The following SYNM variants were observed in gnomAD, a reference collection of about 807,000 sequenced individuals.
SYNM encodes desmuslin.
Under a neutral mutation model 104.0 loss-of-function variants are expected in SYNM, and 95 were observed. The ratio of observed to expected loss-of-function variants is 0.91; its 90% confidence interval spans 0.77 to 1.08. The LOEUF is 1.08. Ranked by LOEUF, SYNM falls within the 50% of genes least tolerant of loss-of-function variation. The probability of loss-of-function intolerance (pLI) is 0.00; values close to 1 mark genes in which losing one functional copy is unlikely to be tolerated. For synonymous variants in SYNM, 918 were observed against 869.0 expected, an observed-to-expected ratio of 1.06 and a Z score of -0.99; for missense variants, 2,150 against 2,052.2, an observed-to-expected ratio of 1.05 and a Z score of -0.92.
At chr15:99,125,688 T>C (rs1345019270) in intron 2 of SYNM, among the ~76,000 whole-genome samples, 1 of 152,228 alleles carries the variant, frequency 6.6e-6, no homozygotes, top group African/African-American at 2.4e-5. Context: ...TGTGCCCAGC[T>C]CTCAGCCATA....
chr15:99,105,722 G>A lies in SYNM; in HGVS notation c.523G>A (p.Ala175Thr). The change falls in exon 1 of 4, where the codon GCG becomes ACG. Residue 175 changes from alanine (A) to threonine (T), a missense_variant. Ala to Thr is a moderately conservative substitution (Grantham distance 58). Transcript: ENST00000336292. Reference protein sequence around the residue: ...HFRARATGPAAPPPRLREVHD... With the variant: ...HFRARATGPATPPPRLREVHD... ...CCGCGCCCGCGCCACCGGCCCCGCC[G>A]CGCCGCCGCCACGCCTGCGGGAGGT... 6.7e-7 allele frequency: 1 copy of A among 1,499,440 alleles called. No individual in the cohort carries two copies. The highest frequency in any genetic ancestry group is 8.9e-7 in the Non-Finnish European group (1 of 1,128,444). The allele number at this position is 1,499,440 out of a possible 1,614,324, so 92.9% of individuals were successfully genotyped here.
rs1472223271 is a variant in SYNM, at chr15:99,132,511, G to A, written c.4151G>A (p.Ser1384Asn). The change falls in exon 4 of 4, where the codon AGT becomes AAT. Residue 1384 changes from serine to asparagine, a missense_variant. Ser to Asn is a conservative substitution (Grantham distance 46). Transcript: ENST00000336292. ...SVVSESPQED[S>N]AEDTSGAEMT... ...GTTTCTGAATCTCCCCAGGAGGATA[G>A]TGCAGAGGACACATCAGGGGCAGAA... is the stretch of plus-strand genomic sequence containing the variant. 1 of 1,613,938 alleles carries A rather than the reference G, an allele frequency of 6.2e-7. No homozygotes were observed. The highest frequency in any genetic ancestry group is 1.3e-5 in the African/African-American group (1 of 74,934).
intron 2 of SYNM, among the ~76,000 whole-genome samples, chr15:99,116,894 A>C (rs1703778): frequency 0.56 from 79,183 of 141,340 alleles, 26,975 homozygotes; most frequent in Middle Eastern, 0.68. Context: ...CCAGGCTGGT[A>C]TTGAACTCCT....
Position 99,130,312 on chromosome 15 carries a change from C to G in SYNM, c.1952C>G (p.Thr651Ser). The G allele has an allele frequency of 6.2e-7, 1 of 1,613,892 alleles. No individual in the cohort carries two copies. The highest frequency in any genetic ancestry group is 1.1e-5 in the South Asian group (1 of 91,050). Residue 651 changes from threonine (T) to serine (S), a missense_variant, in exon 4 of 4, where the codon ACT becomes AGT. Thr to Ser is a moderately conservative substitution (Grantham distance 58). Transcript: ENST00000336292. Reference sequence around the variant, plus strand: ...GTTACCAGTATCCTGAAGCAGTTCACTCAGTCTCCAGAGACAGAAGCATCT... The same window carrying G: ...GTTACCAGTATCCTGAAGCAGTTCAGTCAGTCTCCAGAGACAGAAGCATCT... ...NIVTSILKQF[T>S]QSPETEASAD... is the part of the protein sequence containing the mutation.
Position 99,130,144 on chromosome 15 carries a change from G to T in SYNM, c.1784G>T (p.Gly595Val), listed in dbSNP as rs369973561. ...AGAAGAGCAGAGGTGTCCCCGAAAG[G>T]TTTGCAGACGCCTGTGAAGGATGCT... ...QDRRAEVSPK[G>V]LQTPVKDAGG... The change falls in exon 4 of 4, where the codon GGT (glycine) becomes GTT (valine). Residue 595 changes from glycine (G) to valine (V), a missense_variant. By Grantham distance (109) the Gly-to-Val change is moderately radical. Coordinates refer to ENST00000336292, the MANE Select transcript of SYNM (RefSeq NM_145728.3). 21 of 1,613,828 alleles carry T rather than the reference G, an allele frequency of 1.3e-5. No homozygotes were observed. In the Middle Eastern group the frequency reaches 4.9e-4, roughly 38 times the overall value.
Position 99,130,887 on chromosome 15 carries a change from G to C in SYNM, c.2527G>C (p.Asp843His), listed in dbSNP as rs782563872. Residue 843 changes from aspartate (D) to histidine (H), a missense_variant, in exon 4 of 4, where the codon GAC (aspartate) becomes CAC (histidine). By Grantham distance (81) the Asp-to-His change is moderately conservative (BLOSUM62 -1). Transcript: ENST00000336292. The stretch of plus-strand genomic sequence containing the variant: ...TCCAGATGAACACCCCGGGGGGCAC[G>C]ACAGAGATGACGGCTCGGTGTACGG... ...STPDEHPGGHDRDDGSVYGQI... is the reference protein window; with the variant it reads ...STPDEHPGGHHRDDGSVYGQI... 1 of 1,613,928 alleles carries C rather than the reference G, an allele frequency of 6.2e-7. No individual in the cohort carries two copies. Among genetic ancestry groups the C allele is most frequent in the Non-Finnish European group, 8.5e-7 (1 of 1,179,874 alleles).
intron 1 of SYNM, among the ~76,000 whole-genome samples, chr15:99,106,806 C>T (rs1398942551): frequency 6.6e-6 from 1 of 152,230 alleles, no homozygotes; most frequent in Non-Finnish European, 1.5e-5. Flanking sequence ...CCTCGCCCTG[C>T]CCTGCCTCAG....
chr15:99,137,166 A>T (rs1333570088), downstream of SYNM: 1 of 152,378 alleles, frequency 6.6e-6, no homozygotes, highest in Admixed American at 6.5e-5. Context: ...GACATCGTGG[A>T]GGAAGGCACT....
Position 99,105,706 on chromosome 15 carries a change from C to T in SYNM, c.507C>T (p.Arg169=), listed in dbSNP as rs2067229803. ...AASLTMHFRA[R]ATGPAAPPPR... ...GCCTTACCATGCATTTCCGCGCCCG[C>T]GCCACCGGCCCCGCCGCGCCGCCGC... The change falls in exon 1 of 4, where the codon CGC becomes CGT. Residue 169 remains arginine (R), a synonymous_variant. Coordinates refer to ENST00000336292, the MANE Select transcript of SYNM (RefSeq NM_145728.3). 1.3e-6 allele frequency: 2 copies of T among 1,488,730 alleles called. No homozygotes were observed. The highest frequency in any genetic ancestry group is 1.8e-6 in the Non-Finnish European group (2 of 1,124,842). 92.2% of individuals were successfully genotyped at this position (1,488,730 alleles called of 1,614,324 possible). A position where few individuals can be genotyped will look rare whatever the true frequency, so the allele number is the denominator to read the frequency against.
chr15:99,108,380 C>T (rs1267634921), intron 1 of SYNM, among the ~76,000 whole-genome samples: 2 of 152,116 alleles, frequency 1.3e-5, no homozygotes, highest in Non-Finnish European at 2.9e-5. Context: ...TAAGTCAACT[C>T]CATTTCAAAT....
At position 99,130,398 on chromosome 15, in the gene SYNM, A is replaced by G; in HGVS notation, c.2038A>G (p.Arg680Gly). ...YVDRKELPGERKTKTEIVVES... is the reference protein window; with the variant it reads ...YVDRKELPGEGKTKTEIVVES... ...GGACAGGAAAGAGCTTCCTGGGGAA[A>G]GGAAAACAAAGACTGAAATAGTTGT... The change falls in exon 4 of 4, where the codon AGG becomes GGG. Residue 680 changes from arginine to glycine, a missense_variant. By Grantham distance (125) the Arg-to-Gly change is moderately radical (BLOSUM62 -2). Coordinates refer to ENST00000336292, the MANE Select transcript of SYNM (RefSeq NM_145728.3). The G allele has an allele frequency of 6.2e-7, 1 of 1,613,752 alleles. No homozygotes were observed. The highest frequency in any genetic ancestry group is 8.5e-7 in the Non-Finnish European group (1 of 1,179,824).
At position 99,133,551 on chromosome 15, in the gene SYNM, G is replaced by A. The variant is rs1555486335; in HGVS notation, c.*493G>A. 6.3e-6 allele frequency: 1 copy of A among 159,414 alleles called. No homozygotes were observed. Among genetic ancestry groups the A allele is most frequent in the Non-Finnish European group, 1.4e-5 (1 of 71,874 alleles). 9.9% of individuals were successfully genotyped at this position (159,414 alleles called of 1,614,324 possible). ...TTCAAAAAGAAATGGGAAATAGGCA[G>A]ACTGTTTATGTTAAAAAAATTCTTG... On this transcript the variant is annotated 3_prime_UTR_variant, in exon 4 of 4. Coordinates refer to ENST00000336292, the MANE Select transcript of SYNM (RefSeq NM_145728.3).
Position 99,131,930 on chromosome 15 carries a change from A to G in SYNM, c.3570A>G (p.Leu1190=). The change falls in exon 4 of 4, where the codon CTA becomes CTG. Residue 1190 remains leucine, a synonymous_variant. Coordinates refer to ENST00000336292, the MANE Select transcript of SYNM (RefSeq NM_145728.3). This position sits in a 1 kb window ranked among gnomAD's most constrained non-coding sequence, Gnocchi z 4.3. ...CACTGTCCAGAGAAGTCATCTTCCT[A>G]GGCCCTGCCCCTGCCTGTCCAGAGG... is the stretch of plus-strand genomic sequence containing the variant. ...QSPLSREVIF[L]GPAPACPEAW... is the part of the protein sequence containing the mutation. The G allele has an allele frequency of 6.2e-7, 1 of 1,613,828 alleles. No individual in the cohort carries two copies. The highest frequency in any genetic ancestry group is 8.5e-7 in the Non-Finnish European group (1 of 1,179,854).
intron 1 of SYNM, among the ~76,000 whole-genome samples, chr15:99,113,264 A>G (rs1670251): frequency 0.75 from 114,474 of 152,172 alleles, 43,207 homozygotes; most frequent in African/African-American, 0.81. Context: ...ACTGGTTTGA[A>G]GCACTGGCTC....
rs1319538152 is a variant in SYNM, at chr15:99,132,822, G to GT, written c.4462_4463insT (p.Gly1488ValfsTer9). ...GGGAGCTCTCGGTGTGTCTGACCGT[G>GT]GTTCCTGGAGAGACGCGGACAGTAG... On this transcript the variant is annotated frameshift_variant, in exon 4 of 4. Transcript: ENST00000336292. LOFTEE classifies it high-confidence loss of function. 6.2e-7 allele frequency: 1 copy of GT among 1,613,352 alleles called. No individual in the cohort carries two copies. The highest frequency in any genetic ancestry group is 2.2e-5 in the East Asian group (1 of 44,848).
At position 99,133,047 on chromosome 15, in the gene SYNM, C is replaced by T. The variant is rs782654143; in HGVS notation, c.4687C>T (p.His1563Tyr). ...LDNEEEENDG[H>Y]WF is the part of the protein sequence containing the mutation. ...CAATGAGGAGGAGGAGAATGATGGG[C>T]ATTGGTTTTAATAAGCAGAAACATT... Residue 1563 changes from histidine (H) to tyrosine (Y), a missense_variant, in exon 4 of 4, where the codon CAT becomes TAT. Physicochemically the swap from His to Tyr is moderately conservative, Grantham distance 83. Coordinates refer to ENST00000336292, the MANE Select transcript of SYNM (RefSeq NM_145728.3). The T allele has an allele frequency of 6.2e-7, 1 of 1,613,406 alleles. No individual in the cohort carries two copies. Among genetic ancestry groups the T allele is most frequent in the Non-Finnish European group, 8.5e-7 (1 of 1,179,872 alleles).
intron 1 of SYNM, among the ~76,000 whole-genome samples, chr15:99,110,891 G>T (rs1298542405): frequency 1.3e-5 from 2 of 152,198 alleles, no homozygotes; most frequent in Admixed American, 6.5e-5. Flanking sequence ...CCCACAGCTT[G>T]CTGACTGGCC....
At chr15:99,122,407 C>G (rs2067409464) in intron 2 of SYNM, among the ~76,000 whole-genome samples, 1 of 152,166 alleles carries the variant, frequency 6.6e-6, no homozygotes, top group African/African-American at 2.4e-5. Flanking sequence ...GGGGTTTCCT[C>G]AAGGTTTTGC....
chr15:99,133,100 G>A lies in SYNM; in HGVS notation c.*42G>A, dbSNP rs181760065. ...GTTTTAATGGCAGCCTGTTGGCGAC[G>A]TGCCAACATCCAAAGGCCTTAACTT... On this transcript the variant is annotated 3_prime_UTR_variant, in exon 4 of 4. Transcript: ENST00000336292. 2.2e-3 allele frequency: 3,491 copies of A among 1,600,750 alleles called. 15 individuals are homozygous for A. The highest frequency in any genetic ancestry group is 9.5e-3 in the South Asian group (851 of 89,510).
Sources: gnomAD v4.1 joint callset for allele counts (sites outside exome capture counted in the v4.1 genomes callset) on GRCh38, gnomAD v4.1.1 for gene constraint, Gnocchi (gnomAD v3.1) non-coding constraint, MANE v1.5 for transcripts, NCBI Gene and HGNC (gene_info 2026-07-23, HGNC 2026-07-21) for gene names.